BBS12: variants seen among roughly 807,000 people sequenced by gnomAD.
BBS12 encodes the protein chaperonin-containing T-complex member BBS12.
BBS12 carries 5 observed loss-of-function variants against 5.6 expected under a neutral mutation model. That is an observed-to-expected ratio of 0.89 (90% CI 0.46 to 1.86). The LOEUF is 1.86. Ranked by LOEUF, BBS12 falls within the 40% of genes most tolerant of loss-of-function variation. BBS12 has a pLI of 0.01. For synonymous variants in BBS12, 308 were observed against 306.8 expected, an observed-to-expected ratio of 1.00 and a Z score of -0.04; for missense variants, 748 against 830.4, an observed-to-expected ratio of 0.90 and a Z score of 1.22.
intron 1 of BBS12, 67 bp from the exon 2 acceptor site, chr4:122,741,815 AT>A: frequency 7.3e-7 from 1 of 1,372,172 alleles, no homozygotes; most frequent in Admixed American, 2.0e-5. Context: ...TCTTGTTTTT[AT>A]TTCTATATAG....
Position 122,742,415 on chromosome 4 carries a change from G to A in BBS12, c.523G>A (p.Gly175Ser). ...TACTGATTTGATAGAGGAATTGCATGGTCTCAAAGATGTTGCCTCTCAAAC... is the reference window on the plus strand; with the variant it reads ...TACTGATTTGATAGAGGAATTGCATAGTCTCAAAGATGTTGCCTCTCAAAC... ...SDTDLIEELHGLKDVASQTLT... is the reference protein window; with the variant it reads ...SDTDLIEELHSLKDVASQTLT... The change falls in exon 2 of 2, where the codon GGT becomes AGT. Residue 175 changes from glycine to serine, a missense_variant. Physicochemically the swap from Gly to Ser is moderately conservative, Grantham distance 56. Transcript: ENST00000314218. The A allele has an allele frequency of 6.2e-7, 1 of 1,614,162 alleles. No individual in the cohort carries two copies. Among genetic ancestry groups the A allele is most frequent in the Non-Finnish European group, 8.5e-7 (1 of 1,180,032 alleles).
chr4:122,742,203 A>T lies in BBS12; in HGVS notation c.311A>T (p.His104Leu), dbSNP rs915677674. The T allele has an allele frequency of 6.2e-7, 1 of 1,613,908 alleles. No individual in the cohort carries two copies. The highest frequency in any genetic ancestry group is 8.5e-7 in the Non-Finnish European group (1 of 1,180,024). ...AWSSAVEECL[H>L]LGVPISIIVS... ...AGCAGTGCAGTTGAAGAATGTCTTC[A>T]TCTTGGTGTCCCCATTTCCATAATA... The change falls in exon 2 of 2, where the codon CAT (histidine) becomes CTT (leucine). Residue 104 changes from histidine to leucine, a missense_variant. Transcript: ENST00000314218.
chr4:122,711,234 G>A, the BBS12 span, among the ~76,000 whole-genome samples: 1 of 151,948 alleles, frequency 6.6e-6, no homozygotes, highest in East Asian at 1.9e-4. Flanking sequence ...GTAGAAATGA[G>A]AAAGTGCTGT....
chr4:122,729,995 G>GT (rs1226301285), upstream of BBS12: 1 of 152,130 alleles, frequency 6.6e-6, no homozygotes, highest in Non-Finnish European at 1.5e-5. Context: ...TACACCACCT[G>GT]TCCTAGCACA....
chr4:122,707,691 G>T, the BBS12 span, among the ~76,000 whole-genome samples: 3 of 152,206 alleles, frequency 2.0e-5, no homozygotes, highest in Admixed American at 2.0e-4. Flanking sequence ...CAGTTGCACA[G>T]GTGCTGGCTC....
At chr4:122,718,690 T>G in the BBS12 span, among the ~76,000 whole-genome samples, 2 of 147,514 alleles carry the variant, frequency 1.4e-5, no homozygotes, top group African/African-American at 2.6e-5. Flanking sequence ...AGGAAAAAAA[T>G]TATAGAGAAC....
chr4:122,710,132 T>C, the BBS12 span, among the ~76,000 whole-genome samples: 812 of 152,344 alleles, frequency 5.3e-3, 14 homozygotes, highest in African/African-American at 0.019. Context: ...ATGGATATTA[T>C]GTATACTGCC....
chr4:122,720,794 A>G, the BBS12 span, among the ~76,000 whole-genome samples: 1 of 151,494 alleles, frequency 6.6e-6, no homozygotes, highest in African/African-American at 2.4e-5. Context: ...TATGAATCTC[A>G]TGTAAAATAA....
chr4:122,742,166 G>A lies in BBS12; in HGVS notation c.274G>A (p.Val92Ile), dbSNP rs973844350. 6 of 1,613,966 alleles carry A rather than the reference G, an allele frequency of 3.7e-6. No individual in the cohort carries two copies. Among genetic ancestry groups the A allele is most frequent in the Non-Finnish European group, 4.2e-6 (5 of 1,180,024 alleles). ...TGGAATCAGTACTCTTTTGTTTCTTGTTGGTGCTTGGAGCAGTGCAGTTGA... is the reference window on the plus strand; with the variant it reads ...TGGAATCAGTACTCTTTTGTTTCTTATTGGTGCTTGGAGCAGTGCAGTTGA... ...RTGISTLLFL[V>I]GAWSSAVEEC... The change falls in exon 2 of 2, where the codon GTT becomes ATT. Residue 92 changes from valine to isoleucine, a missense_variant. Val to Ile is a conservative substitution (Grantham distance 29, BLOSUM62 3). Coordinates refer to ENST00000314218, the MANE Select transcript of BBS12 (RefSeq NM_152618.3).
rs779652397 is a variant in BBS12 at position 122,743,136 on chromosome 4, A to G, written c.1244A>G (p.Gln415Arg). The G allele has an allele frequency of 9.9e-6, 16 of 1,614,146 alleles. No individual in the cohort carries two copies. Among genetic ancestry groups the G allele is most frequent in the Non-Finnish European group, 1.2e-5 (14 of 1,180,062 alleles). Residue 415 changes from glutamine (Q) to arginine (R), a missense_variant, in exon 2 of 2, where the codon CAA becomes CGA. Physicochemically the swap from Gln to Arg is conservative, Grantham distance 43. Transcript: ENST00000314218. ...IQFKVNLVLV[Q>R]GNVSERLIEK... ...TTCAAGGTGAACCTTGTCCTGGTAC[A>G]AGGAAATGTGTCCGAACGCTTAATT...
chr4:122,733,344 A>G (rs543734741), intron 1 of BBS12, among the ~76,000 whole-genome samples: 1 of 149,900 alleles, frequency 6.7e-6, no homozygotes, highest in East Asian at 2.0e-4. Context: ...GGCCCCACCC[A>G]TAATTACTAT....
the BBS12 span, among the ~76,000 whole-genome samples, chr4:122,704,717 A>G: frequency 6.6e-6 from 1 of 152,156 alleles, no homozygotes; most frequent in African/African-American, 2.4e-5. Flanking sequence ...AGTTACAAAG[A>G]GCTTGCCCTG....
intron 1 of BBS12, among the ~76,000 whole-genome samples, chr4:122,736,092 A>G (rs1800779848): frequency 6.6e-6 from 1 of 152,234 alleles, no homozygotes. Flanking sequence ...AAGAGGCCAG[A>G]ACAAAGTGGC....
intron 1 of BBS12, among the ~76,000 whole-genome samples, chr4:122,733,644 G>GC (rs950903969): frequency 2.3e-4 from 35 of 152,168 alleles, no homozygotes; most frequent in African/African-American, 8.0e-4. Flanking sequence ...CCAGGAATCA[G>GC]CTTAAAGGAC....
chr4:122,721,332 T>C, the BBS12 span, among the ~76,000 whole-genome samples: 1 of 152,206 alleles, frequency 6.6e-6, no homozygotes, highest in African/African-American at 2.4e-5. Context: ...GTAAAATACA[T>C]GACAATAGCA....
the BBS12 span, among the ~76,000 whole-genome samples, chr4:122,716,697 GTGTGTATACATACACATA>G: frequency 9.9e-5 from 10 of 100,576 alleles, no homozygotes; most frequent in Admixed American, 1.1e-3. Flanking sequence ...ATGTGTATGT[GTGTGTATACATACACATA>G]TGTGTGTATA....
chr4:122,709,808 C>A, the BBS12 span, among the ~76,000 whole-genome samples: 1 of 152,036 alleles, frequency 6.6e-6, no homozygotes, highest in Non-Finnish European at 1.5e-5. Flanking sequence ...GCGTATGCCA[C>A]CACACCTGGC....
the BBS12 span, among the ~76,000 whole-genome samples, chr4:122,716,638 T>TGC: frequency 2.8e-5 from 3 of 106,858 alleles, no homozygotes; most frequent in African/African-American, 1.0e-4. Context: ...CATATGTATA[T>TGC]ACACACGTGT....
the BBS12 span, among the ~76,000 whole-genome samples, chr4:122,714,157 A>T: frequency 6.6e-6 from 1 of 152,120 alleles, no homozygotes; most frequent in East Asian, 1.9e-4. Context: ...GTGTCTTTCT[A>T]AGAAGAGAAA....
Sources: allele counts gnomAD v4.1 joint callset (sites outside exome capture counted in the v4.1 genomes callset), GRCh38; gene constraint gnomAD v4.1.1; transcripts MANE v1.5; gene names NCBI Gene and HGNC (gene_info 2026-07-23, HGNC 2026-07-21).